DOCK11: variants seen among roughly 807,000 people sequenced by gnomAD.
DOCK11 encodes dedicator of cytokinesis 11, also known as dedicator of cytokinesis protein 11.
Under a neutral mutation model 169.1 loss-of-function variants are expected in DOCK11, and 70 were observed. The ratio of observed to expected loss-of-function variants is 0.41; its 90% CI spans 0.34 to 0.51. DOCK11 has a LOEUF of 0.51. DOCK11 is among the 20% of genes least tolerant of loss of function. The probability of loss-of-function intolerance (pLI) is 0.10; values close to 1 mark genes in which losing one functional copy is unlikely to be tolerated. For synonymous variants in DOCK11, 529 were observed against 541.3 expected (o/e 0.98, Z 0.32); for missense variants, 1,166 against 1,538.8 (o/e 0.76, Z 4.05).
chrX:118,619,497 A>AAAT (rs1556312710), intron 31 of DOCK11, among the ~76,000 whole-genome samples: 7 of 90,852 alleles, frequency 7.7e-5, no homozygotes, highest in Non-Finnish European at 1.5e-4. Context: ...AAAAAAAAAA[A>AAAT]ATATATATAT....
rs1355191529 is a variant in DOCK11 at position 118,642,743 on chromosome X, A to G, written c.4261-714A>G. On this transcript the variant is annotated intron_variant, in intron 39 of 52. Coordinates refer to ENST00000276202, the MANE Select transcript of DOCK11 (RefSeq NM_144658.4). ...AGGGATTCTGGCTGTCAGTATTATC[A>G]TTAGATTGTTGTTGTTTTGGGTTTT... Among the ~76,000 whole-genome samples, 3 of 111,765 alleles carry G rather than the reference A, an allele frequency of 2.7e-5. No individual in the cohort carries two copies. In the East Asian group the frequency reaches 8.3e-4, roughly 31 times the overall value.
At chrX:118,630,611 T>A (rs1336009326) in intron 35 of DOCK11, 121 bp downstream of exon 35, 1 of 372,130 alleles carries the variant, frequency 2.7e-6, no homozygotes, top group Non-Finnish European at 4.7e-6. Flanking sequence ...TATAAACAGT[T>A]ATTTGGAGAC....
chrX:118,564,958 C>T (rs1183861360), intron 7 of DOCK11, among the ~76,000 whole-genome samples: 1 of 109,630 alleles, frequency 9.1e-6, no homozygotes, highest in African/African-American at 3.3e-5. Context: ...TTTTTTGAGG[C>T]AGGATCTCAC....
intron 1 of DOCK11, among the ~76,000 whole-genome samples, chrX:118,527,821 A>G (rs1160470006): frequency 9.0e-6 from 1 of 111,719 alleles, no homozygotes; most frequent in Admixed American, 9.5e-5. Context: ...GAAGCTGTGA[A>G]CCCTCTCCCC....
intron 23 of DOCK11, among the ~76,000 whole-genome samples, chrX:118,603,022 G>A (rs2014389671): frequency 8.9e-6 from 1 of 111,855 alleles, no homozygotes; most frequent in African/African-American, 3.2e-5. Flanking sequence ...AGGTTAATGA[G>A]ATCCAACATG....
chrX:118,641,260 C>T lies in DOCK11; in HGVS notation c.4215C>T (p.Ser1405=), dbSNP rs763684266. The change falls in exon 39 of 53, where the codon TCC becomes TCT. Residue 1405 remains serine (S), a synonymous_variant. Transcript: ENST00000276202. ...AAGGCAATACAGCTACTGAAGTTTC[C>T]CTAACAGTACTAGACACCATATCAT... ...LLEGNTATEV[S]LTVLDTISFF... 8.3e-7 allele frequency: 1 copy of T among 1,207,813 alleles called. No homozygotes were observed. Among genetic ancestry groups the T allele is most frequent in the Admixed American group, 2.2e-5 (1 of 45,991 alleles).
chrX:118,656,742 C>T (rs751030780), intron 44 of DOCK11, among the ~76,000 whole-genome samples: 1 of 111,720 alleles, frequency 9.0e-6, no homozygotes, highest in Admixed American at 9.5e-5. Flanking sequence ...GGTAGGTGAT[C>T]ACCTGAGGTC....
At chrX:118,677,284 T>C (rs1241581499) in intron 48 of DOCK11, among the ~76,000 whole-genome samples, 1 of 112,345 alleles carries the variant, frequency 8.9e-6, no homozygotes, top group African/African-American at 3.2e-5. Context: ...TCCTTGAGCC[T>C]TGCTCTAAAG....
At chrX:118,646,353 C>A (rs773068162) in intron 40 of DOCK11, among the ~76,000 whole-genome samples, 57 of 109,578 alleles carry the variant, frequency 5.2e-4, no homozygotes, top group African/African-American at 1.9e-3. Flanking sequence ...ACAACAACAA[C>A]AAAAAAAATC....
intron 6 of DOCK11, among the ~76,000 whole-genome samples, chrX:118,554,975 T>C (rs1238524192): frequency 8.9e-6 from 1 of 111,899 alleles, no homozygotes; most frequent in Non-Finnish European, 1.9e-5. Context: ...ATTGTTGTTA[T>C]TTTATATTAT....
In DOCK11 at chrX:118,661,948, T is replaced by C. The variant is rs556795149; in HGVS notation, c.4970-738T>C. 5.9e-4 allele frequency among the ~76,000 whole-genome samples: 66 copies of C among 112,348 alleles called. 2 individuals are homozygous for C. In the Middle Eastern group the frequency reaches 0.023, roughly 39 times the overall value. On this transcript the variant is annotated intron_variant, in intron 44 of 52. Transcript: ENST00000276202. ...TAGTTTATTTATTGGTAGGCTTATTTGCTAGTAATAATTCATTGAGTACTT... is the reference window on the plus strand; with the variant it reads ...TAGTTTATTTATTGGTAGGCTTATTCGCTAGTAATAATTCATTGAGTACTT...
intron 6 of DOCK11, among the ~76,000 whole-genome samples, chrX:118,555,588 A>T (rs2012657262): frequency 9.1e-6 from 1 of 110,212 alleles, no homozygotes; most frequent in South Asian, 3.9e-4. Flanking sequence ...AATAAACTTG[A>T]TAGGACTGTA....
At chrX:118,512,627 C>T (rs1254458548) in intron 1 of DOCK11, among the ~76,000 whole-genome samples, 1 of 111,996 alleles carries the variant, frequency 8.9e-6, no homozygotes, top group Non-Finnish European at 1.9e-5. Flanking sequence ...GAAACTCATT[C>T]TCCAACTTCA....
intron 32 of DOCK11, among the ~76,000 whole-genome samples, chrX:118,627,138 G>A (rs1351186374): frequency 9.0e-6 from 1 of 111,584 alleles, no homozygotes; most frequent in African/African-American, 3.3e-5. Context: ...TGAAGTGAGA[G>A]GGTCACTTGA....
intron 6 of DOCK11, among the ~76,000 whole-genome samples, chrX:118,548,630 C>T (rs981263231): frequency 9.0e-6 from 1 of 110,910 alleles, no homozygotes; most frequent in Admixed American, 9.7e-5. Context: ...AGAAAAGACT[C>T]ACAGGCCGAG....
intron 15 of DOCK11, 21 bp from the exon 16 acceptor site, chrX:118,585,020 A>G: frequency 1.7e-6 from 2 of 1,194,282 alleles, no homozygotes; most frequent in Non-Finnish European, 2.3e-6. Flanking sequence ...TAACTCTAAA[A>G]TATTATTATT....
intron 7 of DOCK11, among the ~76,000 whole-genome samples, chrX:118,562,524 T>G (rs2012944843): frequency 8.9e-6 from 1 of 111,743 alleles, no homozygotes; most frequent in Non-Finnish European, 1.9e-5. Flanking sequence ...ATTTATTGTC[T>G]TACAGAGTGA....
intron 31 of DOCK11, among the ~76,000 whole-genome samples, chrX:118,619,705 TG>T (rs771641851): frequency 9.1e-6 from 1 of 110,162 alleles, no homozygotes; most frequent in South Asian, 3.7e-4. Flanking sequence ...GTTAATGTGA[TG>T]GTGTTACTAT....
At chrX:118,599,334 G>A (rs1198763405) in intron 23 of DOCK11, 106 bp downstream of exon 23, 3 of 583,386 alleles carry the variant, frequency 5.1e-6, no homozygotes, top group Non-Finnish European at 8.1e-6. Flanking sequence ...AATATTTTTG[G>A]CTGTATTTCC....
Sources: allele counts gnomAD v4.1 joint callset (sites outside exome capture counted in the v4.1 genomes callset), GRCh38; gene constraint gnomAD v4.1.1; transcripts MANE v1.5; gene names NCBI Gene and HGNC (gene_info 2026-07-23, HGNC 2026-07-21).